KIF6: variants seen among roughly 807,000 people sequenced by gnomAD.
The protein encoded by KIF6 is kinesin family member 6.
KIF6 carries 106 observed loss-of-function variants against 112.7 expected under a neutral mutation model. The observed-to-expected ratio is 0.94, with a 90% CI of 0.80 to 1.11. The LOEUF is 1.11. Ranked by LOEUF, KIF6 falls within the 50% of genes least tolerant of loss-of-function variation. KIF6 has a pLI of 0.00. For missense variants in KIF6, 929 were observed against 964.0 expected (o/e 0.96, Z 0.48); for synonymous variants, 339 against 339.9 (o/e 1.00, Z 0.03).
At chr6:39,702,688 C>T (rs1413076496) in intron 3 of KIF6, among the ~76,000 whole-genome samples, 1 of 152,136 alleles carries the variant, frequency 6.6e-6, no homozygotes, top group Non-Finnish European at 1.5e-5. Flanking sequence ...AGGCATGAGC[C>T]ACCAAGGCAG....
chr6:39,563,087 A>G (rs1780094846), intron 10 of KIF6, among the ~76,000 whole-genome samples: 1 of 152,146 alleles, frequency 6.6e-6, no homozygotes. Context: ...CCAAAAATAC[A>G]AAAATAAGCC....
intron 9 of KIF6, among the ~76,000 whole-genome samples, chr6:39,582,223 G>GT (rs1192658262): frequency 6.6e-6 from 1 of 152,068 alleles, no homozygotes; most frequent in Admixed American, 6.5e-5. Flanking sequence ...ACTAAGCCAA[G>GT]TTTTTTTGGT....
intron 13 of KIF6, among the ~76,000 whole-genome samples, chr6:39,499,146 C>A (rs1451294969): frequency 2.0e-5 from 3 of 152,162 alleles, no homozygotes; most frequent in Non-Finnish European, 4.4e-5. Context: ...AAAACTGAGA[C>A]CTGGCCCTTA....
intron 13 of KIF6, among the ~76,000 whole-genome samples, chr6:39,441,348 C>A (rs561813412): frequency 6.6e-6 from 1 of 152,286 alleles, no homozygotes; most frequent in South Asian, 2.1e-4. Context: ...TTGATAATAG[C>A]AAATGTCATC....
chr6:39,385,586 CT>C, intron 16 of KIF6, 35 bp downstream of exon 16: 1 of 1,557,896 alleles, frequency 6.4e-7, no homozygotes, highest in Non-Finnish European at 8.9e-7. Flanking sequence ...TTTATATTAC[CT>C]TCATCCTCTT....
At chr6:39,498,459 G>T (rs542643286) in intron 13 of KIF6, among the ~76,000 whole-genome samples, 34 of 152,292 alleles carry the variant, frequency 2.2e-4, no homozygotes, top group African/African-American at 8.2e-4. Context: ...AAGAAGGGTG[G>T]ATGGCTACAA....
At chr6:39,413,787 G>C (rs982436874) in intron 15 of KIF6, among the ~76,000 whole-genome samples, 2 of 152,110 alleles carry the variant, frequency 1.3e-5, no homozygotes, top group Non-Finnish European at 2.9e-5. Flanking sequence ...ACTTACCTGA[G>C]ACAACACATT....
intron 2 of KIF6, among the ~76,000 whole-genome samples, chr6:39,720,450 CTAGA>C (rs1214731289): frequency 1.3e-5 from 2 of 151,878 alleles, no homozygotes; most frequent in African/African-American, 4.8e-5. Flanking sequence ...TAGGAAAATA[CTAGA>C]TAAACAGAGC....
chr6:39,525,349 T>A (rs781651491), intron 13 of KIF6, among the ~76,000 whole-genome samples: 1 of 152,150 alleles, frequency 6.6e-6, no homozygotes, highest in Non-Finnish European at 1.5e-5. Context: ...CTACTGTACT[T>A]GGGCCCCAGA....
chr6:39,654,187 A>G (rs1561901320), intron 3 of KIF6, among the ~76,000 whole-genome samples: 2 of 152,162 alleles, frequency 1.3e-5, no homozygotes, highest in Non-Finnish European at 2.9e-5. Flanking sequence ...TGGTATCTAC[A>G]GCAAGGAGGA....
chr6:39,337,226 T>TCTTTCTTTCTTTCTTC (rs1763066682), intron 22 of KIF6, among the ~76,000 whole-genome samples: 1 of 107,028 alleles, frequency 9.3e-6, no homozygotes, highest in Non-Finnish European at 1.6e-5. Context: ...TTTCTTTCTT[T>TCTTTCTTTCTTTCTTC]CTTTCTTTCT....
chr6:39,673,475 G>T (rs918516094), intron 3 of KIF6, among the ~76,000 whole-genome samples: 1 of 152,144 alleles, frequency 6.6e-6, no homozygotes, highest in Non-Finnish European at 1.5e-5. Flanking sequence ...CTTATTATGT[G>T]CCATGTACTC....
At chr6:39,678,974 T>TA (rs1013781384) in intron 3 of KIF6, among the ~76,000 whole-genome samples, 8 of 152,084 alleles carry the variant, frequency 5.3e-5, no homozygotes, top group Non-Finnish European at 8.8e-5. Flanking sequence ...CAGAGGAAAA[T>TA]AAAAAAATCA....
intron 3 of KIF6, among the ~76,000 whole-genome samples, chr6:39,681,475 TA>T (rs898341008): frequency 9.6e-4 from 145 of 151,704 alleles, no homozygotes; most frequent in African/African-American, 3.2e-3. Flanking sequence ...CTTAATGTTT[TA>T]AAAAAAAACT....
At chr6:39,699,260 G>C (rs1788732172) in intron 3 of KIF6, among the ~76,000 whole-genome samples, 1 of 152,140 alleles carries the variant, frequency 6.6e-6, no homozygotes, top group Non-Finnish European at 1.5e-5. Context: ...GGAATGCCAT[G>C]GTGGTTGGGG....
intron 20 of KIF6, 30 bp downstream of exon 20, chr6:39,346,446 C>T (rs1195492555): frequency 4.2e-6 from 3 of 716,962 alleles, no homozygotes; most frequent in Admixed American, 4.0e-5. Flanking sequence ...GAGAAGACAG[C>T]TGTCTATGAA....
chr6:39,655,446 A>C (rs1351554652), intron 3 of KIF6, among the ~76,000 whole-genome samples: 2 of 151,996 alleles, frequency 1.3e-5, no homozygotes, highest in African/African-American at 4.8e-5. Context: ...TGTTGTCCAA[A>C]AATTTTATTT....
chr6:39,577,101 A>C (rs1457748611), intron 10 of KIF6, among the ~76,000 whole-genome samples: 1 of 152,228 alleles, frequency 6.6e-6, no homozygotes, highest in Non-Finnish European at 1.5e-5. Context: ...AATATGCCAC[A>C]AAGCAGTCTT....
At chr6:39,363,072 A>G (rs902456199) in intron 16 of KIF6, among the ~76,000 whole-genome samples, 2 of 152,176 alleles carry the variant, frequency 1.3e-5, no homozygotes, top group African/African-American at 4.8e-5. Flanking sequence ...TTGCTTGAAC[A>G]TGGGAGGCGG....
Sources: gnomAD v4.1 joint callset for allele counts (sites outside exome capture counted in the v4.1 genomes callset) on GRCh38, gnomAD v4.1.1 for gene constraint, MANE v1.5 for transcripts, NCBI Gene and HGNC (gene_info 2026-07-23, HGNC 2026-07-21) for gene names.